Variants in ZMYM4 observed in about 807,000 individuals in gnomAD.
The protein encoded by ZMYM4 is zinc finger MYM-type protein 4.
In ZMYM4, 31 loss-of-function variants were observed where a neutral mutation model predicts 183.2. The observed-to-expected ratio is 0.17, with a 90% confidence interval of 0.13 to 0.23. The LOEUF is 0.23. Ranked by LOEUF, ZMYM4 falls within the 10% of genes least tolerant of loss-of-function variation. The probability of loss-of-function intolerance (pLI) is 1.00; values close to 1 mark genes in which losing one functional copy is unlikely to be tolerated. For missense variants in ZMYM4, 1,273 were observed against 1,840.3 expected, an observed-to-expected ratio of 0.69 and a Z score of 5.64; for synonymous variants, 592 against 631.2, an observed-to-expected ratio of 0.94 and a Z score of 0.93.
intron 7 of ZMYM4, among the ~76,000 whole-genome samples, chr1:35,371,062 A>AGT (rs67591506): frequency 0.1 from 12,729 of 125,596 alleles, 673 homozygotes; most frequent in Non-Finnish European, 0.13. Flanking sequence ...AATGGCTTCC[A>AGT]GTGTGTGTGT....
At chr1:35,285,663 A>G (rs1640446408) in intron 1 of ZMYM4, among the ~76,000 whole-genome samples, 1 of 152,184 alleles carries the variant, frequency 6.6e-6, no homozygotes, top group Non-Finnish European at 1.5e-5. Context: ...TAATCTAGAG[A>G]TGATTTAAAT....
intron 1 of ZMYM4, among the ~76,000 whole-genome samples, chr1:35,280,177 CCCCTTCCCTT>C (rs141512700): frequency 6.8e-6 from 1 of 148,034 alleles, no homozygotes; most frequent in South Asian, 2.1e-4. Context: ...CCTCCCTTCC[CCCCTTCCCTT>C]CCCTTCCCTT....
At position 35,268,931 on chromosome 1, in the gene ZMYM4, G is replaced by T; in HGVS notation, c.-116G>T. On this transcript the variant is annotated 5_prime_UTR_variant, in exon 1 of 30. Transcript: ENST00000314607. ...CCACTCTCGGCGCAAGGCCCGGCCG[G>T]GTCCGGGGAAGCTGCCGCGAGGCGG... is the stretch of plus-strand genomic sequence containing the variant. The T allele has an allele frequency of 8.2e-7, 1 of 1,214,528 alleles. No individual in the cohort carries two copies. The highest frequency in any genetic ancestry group is 1.1e-6 in the Non-Finnish European group (1 of 946,420). 75.2% of individuals were successfully genotyped at this position (1,214,528 alleles called of 1,614,324 possible). A position where few individuals can be genotyped will look rare whatever the true frequency, so the allele number is the denominator to read the frequency against.
chr1:35,358,384 T>C (rs1165892071), intron 2 of ZMYM4, among the ~76,000 whole-genome samples: 2 of 152,156 alleles, frequency 1.3e-5, no homozygotes, highest in African/African-American at 4.8e-5. Context: ...TTAGTGTTAG[T>C]GCAGAGAAAA....
chr1:35,351,615 A>G, intron 2 of ZMYM4: 1 of 646,152 alleles, frequency 1.5e-6, no homozygotes, highest in South Asian at 2.0e-5. Flanking sequence ...TAAACCAAAC[A>G]ATTTTCTATG....
In ZMYM4 at chr1:35,393,579, T is replaced by C; in HGVS notation, c.2767-16T>C. 3 of 1,561,644 alleles carry C rather than the reference T, an allele frequency of 1.9e-6. No homozygotes were observed. Among genetic ancestry groups the C allele is most frequent in the South Asian group, 1.2e-5 (1 of 80,126 alleles). On this transcript the variant is annotated splice_polypyrimidine_tract_variant and intron_variant, in intron 17 of 29. Coordinates refer to ENST00000314607, the MANE Select transcript of ZMYM4 (RefSeq NM_005095.3). ...TTTTAAAAATGTTTTTGGTTTCTAA[T>C]TTGTTTTTTTACTAGGCAAGTACTC...
intron 21 of ZMYM4, 74 bp from the exon 22 acceptor site, chr1:35,398,790 T>C: frequency 6.6e-7 from 1 of 1,515,878 alleles, no homozygotes; most frequent in Admixed American, 1.8e-5. Flanking sequence ...ATTTAGGGGT[T>C]CAGGAAGTTT....
intron 1 of ZMYM4, among the ~76,000 whole-genome samples, chr1:35,277,109 T>C (rs939580838): frequency 1.3e-5 from 2 of 152,228 alleles, no homozygotes; most frequent in African/African-American, 2.4e-5. Flanking sequence ...GGTTCTGAAC[T>C]TTGGCTAAAA....
Position 35,343,951 on chromosome 1 carries a change from A to G in ZMYM4, c.86-14974A>G, listed in dbSNP as rs904044129. On this transcript the variant is annotated intron_variant, in intron 2 of 29. Coordinates refer to ENST00000314607, the MANE Select transcript of ZMYM4 (RefSeq NM_005095.3). ...TAGAGTCAATGTGTAAATTTCTAGA[A>G]TAATCCACAGAGACTTTGGAGTTAC... Among the ~76,000 whole-genome samples, 3 of 152,250 alleles carry G rather than the reference A, an allele frequency of 2.0e-5. No homozygotes were observed. In the South Asian group the frequency reaches 6.2e-4, roughly 32 times the overall value.
At chr1:35,418,008 CAA>C (rs200926725) in intron 28 of ZMYM4, among the ~76,000 whole-genome samples, 5 of 132,650 alleles carry the variant, frequency 3.8e-5, no homozygotes, top group Admixed American at 7.5e-5. Context: ...AGTTCCGTCT[CAA>C]AAAAAAAAAA....
At chr1:35,283,239 T>G (rs77675015) in intron 1 of ZMYM4, among the ~76,000 whole-genome samples, 9,388 of 148,158 alleles carry the variant, frequency 0.063, 921 homozygotes, top group East Asian at 0.44. Flanking sequence ...AGTCTTGAAC[T>G]CCTGACCTCA....
Position 35,282,980 on chromosome 1 carries a change from G to GTTTTTTTTTTTT in ZMYM4, c.39+13920_39+13931dup, listed in dbSNP as rs775211352. ...ATACTTGTTGTTTTCTGTGTGTGTGGTTTTTTTTTTTTTTTTTTTTTTTTT... is the reference window on the plus strand; with the variant it reads ...ATACTTGTTGTTTTCTGTGTGTGTGGTTTTTTTTTTTTTTTTTTTTTTTTTTTTTTTTTTTTT... On this transcript the variant is annotated intron_variant, in intron 1 of 29. Transcript: ENST00000314607. Among the ~76,000 whole-genome samples, 33 of 26,260 alleles carry GTTTTTTTTTTTT rather than the reference G, an allele frequency of 1.3e-3. 15 individuals are homozygous for GTTTTTTTTTTTT. Among genetic ancestry groups the GTTTTTTTTTTTT allele is most frequent in the Non-Finnish European group, 2.9e-3 (25 of 8,634 alleles). 17.2% of individuals were successfully genotyped at this position (26,260 alleles called of 152,430 possible). A position where few individuals can be genotyped will look rare whatever the true frequency, so the allele number is the denominator to read the frequency against.
At chr1:35,382,779 G>A (rs139116969) in intron 9 of ZMYM4, among the ~76,000 whole-genome samples, 128 of 151,850 alleles carry the variant, frequency 8.4e-4, no homozygotes, top group African/African-American at 2.9e-3. Flanking sequence ...AAAGTGATTT[G>A]TATTCTTTAA....
At chr1:35,305,540 A>C (rs1641497039) in intron 1 of ZMYM4, among the ~76,000 whole-genome samples, 1 of 146,632 alleles carries the variant, frequency 6.8e-6, no homozygotes, top group African/African-American at 2.5e-5. Context: ...TATTCTTGTC[A>C]TGTTTTCTCT....
chr1:35,322,174 T>A (rs1028934396), intron 1 of ZMYM4, among the ~76,000 whole-genome samples: 1 of 152,176 alleles, frequency 6.6e-6, no homozygotes, highest in Non-Finnish European at 1.5e-5. Flanking sequence ...TTGGGTAAGA[T>A]TGAATGTTTA....
At chr1:35,283,252 C>T (rs1222701294) in intron 1 of ZMYM4, among the ~76,000 whole-genome samples, 6 of 146,864 alleles carry the variant, frequency 4.1e-5, no homozygotes, top group East Asian at 2.0e-4. Flanking sequence ...TGACCTCAAG[C>T]GATCTACCTA....
At chr1:35,294,975 A>G (rs1189471655) in intron 1 of ZMYM4, among the ~76,000 whole-genome samples, 2 of 152,198 alleles carry the variant, frequency 1.3e-5, no homozygotes, top group Non-Finnish European at 2.9e-5. Context: ...CCTAATTTCT[A>G]TTCCAGTCAC....
intron 7 of ZMYM4, among the ~76,000 whole-genome samples, chr1:35,371,062 AGTGTGTGTGTGT>A (rs67591506): frequency 8.7e-5 from 11 of 126,086 alleles, no homozygotes; most frequent in South Asian, 5.6e-4. Flanking sequence ...AATGGCTTCC[AGTGTGTGTGTGT>A]GTGTGTGTGT....
chr1:35,376,532 C>CT (rs72448948), intron 7 of ZMYM4, among the ~76,000 whole-genome samples: 11,315 of 149,822 alleles, frequency 0.076, 1,079 homozygotes, highest in African/African-American at 0.22. Flanking sequence ...ATTTATACTT[C>CT]TTTTTTTTTT....
Sources: allele counts gnomAD v4.1 joint callset (sites outside exome capture counted in the v4.1 genomes callset), GRCh38; gene constraint gnomAD v4.1.1; transcripts MANE v1.5; gene names NCBI Gene and HGNC (gene_info 2026-07-23, HGNC 2026-07-21).